The following RBFOX1 variants were observed in gnomAD, a reference collection of about 807,000 sequenced individuals.
The protein encoded by RBFOX1 is RNA binding protein fox-1 homolog 1.
Under a neutral mutation model 57.7 loss-of-function variants are expected in RBFOX1, and 8 were observed. The observed-to-expected ratio is 0.14, with a 90% CI of 0.08 to 0.25. The LOEUF (loss-of-function observed/expected upper bound fraction) is 0.25. Among genes scored for constraint, RBFOX1 ranks in the 10% least tolerant of loss-of-function variants. The probability of loss-of-function intolerance (pLI) is 1.00; values close to 1 mark genes in which losing one functional copy is unlikely to be tolerated. For synonymous variants in RBFOX1, 326 were observed against 222.4 expected (o/e 1.47, Z -4.15); for missense variants, 611 against 548.5 (o/e 1.11, Z -1.14).
chr16:6,532,115 T>G (rs1056801106), intron 2 of RBFOX1, among the ~76,000 whole-genome samples: 5 of 152,118 alleles, frequency 3.3e-5, no homozygotes, highest in African/African-American at 9.7e-5. Flanking sequence ...TTGGCCAGAC[T>G]TAGGCAATAC....
chr16:5,426,859 G>C (rs2067576331), intron 1 of RBFOX1, among the ~76,000 whole-genome samples: 1 of 152,194 alleles, frequency 6.6e-6, no homozygotes, highest in South Asian at 2.1e-4. Flanking sequence ...AAACAACGCA[G>C]TGATGCAGGG....
chr16:7,434,224 C>A (rs1005096164), intron 4 of RBFOX1, among the ~76,000 whole-genome samples: 5 of 152,112 alleles, frequency 3.3e-5, no homozygotes, highest in Non-Finnish European at 5.9e-5. Flanking sequence ...ATAATCCCCG[C>A]ATTTTGGGAC....
intron 4 of RBFOX1, among the ~76,000 whole-genome samples, chr16:5,922,881 G>C (rs1408247381): frequency 1.3e-5 from 2 of 152,206 alleles, no homozygotes; most frequent in African/African-American, 4.8e-5. Flanking sequence ...ACTGGGCTTG[G>C]CAGACACCAG....
At chr16:6,120,040 G>C (rs989944147) in intron 1 of RBFOX1, among the ~76,000 whole-genome samples, 1 of 152,172 alleles carries the variant, frequency 6.6e-6, no homozygotes, top group Non-Finnish European at 1.5e-5. Flanking sequence ...CATACAGTAT[G>C]TGGCTGTTTG....
intron 1 of RBFOX1, among the ~76,000 whole-genome samples, chr16:5,251,244 G>T (rs2062443380): frequency 6.6e-6 from 1 of 152,230 alleles, no homozygotes; most frequent in Non-Finnish European, 1.5e-5. Flanking sequence ...CTCGAGGCCT[G>T]CCTTTGCCTT....
intron 2 of RBFOX1, among the ~76,000 whole-genome samples, chr16:6,451,009 G>A (rs932853056): frequency 6.0e-5 from 9 of 149,342 alleles, no homozygotes; most frequent in East Asian, 2.0e-4. Flanking sequence ...AGTGGGTACT[G>A]CCATAAATAG....
At chr16:7,199,498 G>A (rs2087720275) in intron 4 of RBFOX1, among the ~76,000 whole-genome samples, 1 of 152,174 alleles carries the variant, frequency 6.6e-6, no homozygotes. Context: ...TTTTAACACA[G>A]CCAAACACCT....
At chr16:6,104,428 A>T (rs2096353203) in intron 1 of RBFOX1, among the ~76,000 whole-genome samples, 2 of 152,226 alleles carry the variant, frequency 1.3e-5, no homozygotes, top group South Asian at 2.1e-4. Context: ...AAATGGTTTT[A>T]TAGAGGTATA....
chr16:6,990,083 T>A (rs527534806), intron 3 of RBFOX1, among the ~76,000 whole-genome samples: 1 of 152,292 alleles, frequency 6.6e-6, no homozygotes, highest in East Asian at 1.9e-4. Context: ...CTTCAAGAGG[T>A]CAGATACTGC....
chr16:6,763,771 TA>T (rs1302979762), intron 3 of RBFOX1, among the ~76,000 whole-genome samples: 5 of 152,226 alleles, frequency 3.3e-5, no homozygotes, highest in Admixed American at 6.5e-5. Flanking sequence ...ACACAAACAT[TA>T]AATGTTTAAA....
intron 11 of RBFOX1, among the ~76,000 whole-genome samples, chr16:7,644,052 C>T (rs1281828725): frequency 1.3e-5 from 2 of 152,126 alleles, no homozygotes; most frequent in Admixed American, 1.3e-4. Context: ...GGAGGGAATC[C>T]AAACTGAGAG....
At chr16:6,568,034 C>G (rs1264254309) in intron 2 of RBFOX1, among the ~76,000 whole-genome samples, 2 of 152,136 alleles carry the variant, frequency 1.3e-5, no homozygotes, top group Non-Finnish European at 2.9e-5. Flanking sequence ...GTTGAACAGG[C>G]TGGCCTTGAA....
intron 5 of RBFOX1, among the ~76,000 whole-genome samples, chr16:7,522,087 G>A (rs2077632470): frequency 1.3e-5 from 2 of 152,140 alleles, no homozygotes; most frequent in Admixed American, 1.3e-4. Flanking sequence ...TCCCAGCCCT[G>A]GGGTCACTGA....
intron 4 of RBFOX1, among the ~76,000 whole-genome samples, chr16:7,283,960 A>T (rs1168883870): frequency 6.6e-6 from 1 of 152,218 alleles, no homozygotes; most frequent in Non-Finnish European, 1.5e-5. Flanking sequence ...CCAGCTCTAG[A>T]TCCTGGGAAT....
chr16:6,636,123 C>T (rs150805418), intron 2 of RBFOX1, among the ~76,000 whole-genome samples: 1 of 152,254 alleles, frequency 6.6e-6, no homozygotes, highest in African/African-American at 2.4e-5. Flanking sequence ...GTGGCATCAC[C>T]TCGCATCTCA....
intron 2 of RBFOX1, among the ~76,000 whole-genome samples, chr16:6,541,364 CCAGA>C (rs2096815147): frequency 6.6e-6 from 1 of 152,176 alleles, no homozygotes; most frequent in Non-Finnish European, 1.5e-5. Context: ...TTACCCAATG[CCAGA>C]CACTGTTCTA....
At chr16:7,555,780 C>T (rs1000638396) in intron 5 of RBFOX1, among the ~76,000 whole-genome samples, 11 of 152,166 alleles carry the variant, frequency 7.2e-5, no homozygotes, top group African/African-American at 2.7e-4. Context: ...ATTCAAATGT[C>T]ACCTTCATAA....
chr16:7,449,949 C>T (rs184873058), intron 4 of RBFOX1, among the ~76,000 whole-genome samples: 4 of 152,164 alleles, frequency 2.6e-5, no homozygotes, highest in African/African-American at 9.6e-5. Flanking sequence ...GTCTCTCTGA[C>T]TGCAGTAGAA....
intron 3 of RBFOX1, among the ~76,000 whole-genome samples, chr16:5,776,230 T>A (rs2054142642): frequency 6.6e-6 from 1 of 152,178 alleles, no homozygotes; most frequent in African/African-American, 2.4e-5. Context: ...TTCCGAGGAG[T>A]ATTTGCACAT....
Sources: allele counts gnomAD v4.1 joint callset (sites outside exome capture counted in the v4.1 genomes callset), GRCh38; gene constraint gnomAD v4.1.1; transcripts MANE v1.5; gene names NCBI Gene and HGNC (gene_info 2026-07-23, HGNC 2026-07-21).